TXNRD2: variants seen among roughly 807,000 people sequenced by gnomAD.
The protein encoded by TXNRD2 is thioredoxin reductase 2.
In TXNRD2, 67 loss-of-function variants were observed where a neutral mutation model predicts 70.8. The ratio of observed to expected loss-of-function variants is 0.95; its 90% confidence interval spans 0.78 to 1.16. The LOEUF is 1.16. Ranked by LOEUF, TXNRD2 falls within the 50% of genes most tolerant of loss-of-function variation. The pLI is 0.00. For synonymous variants in TXNRD2, 301 were observed against 295.8 expected, an observed-to-expected ratio of 1.02 and a Z score of -0.18; for missense variants, 644 against 719.9, an observed-to-expected ratio of 0.89 and a Z score of 1.21.
chr22:19,897,979 G>C, intron 10 of TXNRD2, 60 bp downstream of exon 10: 1 of 1,407,134 alleles, frequency 7.1e-7, no homozygotes, highest in Non-Finnish European at 9.7e-7. Flanking sequence ...TGCCTGGGAG[G>C]GGGCTGTGGG....
At chr22:19,938,646 T>C (rs1430558687) in intron 1 of TXNRD2, among the ~76,000 whole-genome samples, 1 of 152,214 alleles carries the variant, frequency 6.6e-6, no homozygotes, top group Non-Finnish European at 1.5e-5. Flanking sequence ...AAGGGAACAA[T>C]TCAGCCTTAT....
Position 19,926,320 on chromosome 22 carries a change from T to C in TXNRD2, c.172+4710A>G, listed in dbSNP as rs977993726. 2.0e-5 allele frequency among the ~76,000 whole-genome samples: 3 copies of C among 151,580 alleles called. No individual in the cohort carries two copies. The East Asian group carries it at 5.8e-4, about 29-fold the overall frequency. Reference sequence around the variant, plus strand: ...GCCTGGCCAACATGGTGAAACCCCATCTCTACTAAAAGTACAAAAATTAGT... The same window carrying C: ...GCCTGGCCAACATGGTGAAACCCCACCTCTACTAAAAGTACAAAAATTAGT... On this transcript the variant is annotated intron_variant, in intron 2 of 17. Transcript: ENST00000400521.
chr22:19,908,676 C>T (rs1940181245), intron 8 of TXNRD2, among the ~76,000 whole-genome samples: 2 of 152,094 alleles, frequency 1.3e-5, no homozygotes, highest in African/African-American at 2.4e-5. Flanking sequence ...ATTTGCACAC[C>T]TATGTTCACG....
chr22:19,934,155 G>T (rs940940486), intron 1 of TXNRD2, among the ~76,000 whole-genome samples: 1 of 152,162 alleles, frequency 6.6e-6, no homozygotes, highest in African/African-American at 2.4e-5. Flanking sequence ...CCTGGCAGCA[G>T]GTGTTGTCAT....
intron 8 of TXNRD2, among the ~76,000 whole-genome samples, chr22:19,902,737 C>T (rs1046459057): frequency 4.6e-5 from 7 of 152,198 alleles, no homozygotes; most frequent in Admixed American, 2.0e-4. Flanking sequence ...AGAGAGGTGG[C>T]GGGGGCTTTG....
At chr22:19,889,035 TG>T (rs1305751600) in intron 11 of TXNRD2, among the ~76,000 whole-genome samples, 1 of 152,076 alleles carries the variant, frequency 6.6e-6, no homozygotes, top group Non-Finnish European at 1.5e-5. Flanking sequence ...AGTGAGCCCC[TG>T]GGCCTCAATG....
intron 7 of TXNRD2, among the ~76,000 whole-genome samples, chr22:19,912,382 T>C (rs1940452984): frequency 6.6e-6 from 1 of 152,238 alleles, no homozygotes; most frequent in Admixed American, 6.5e-5. Context: ...GAAGCAGCCC[T>C]GAGCTGCCTG....
intron 8 of TXNRD2, among the ~76,000 whole-genome samples, chr22:19,909,052 A>G (rs1241445974): frequency 6.6e-6 from 1 of 151,896 alleles, no homozygotes; most frequent in African/African-American, 2.4e-5. Context: ...TAAAAACACA[A>G]AAAATTAGCG....
chr22:19,918,303 A>AC (rs1220711905), intron 4 of TXNRD2, 86 bp from the exon 5 acceptor site: 1 of 1,189,844 alleles, frequency 8.4e-7, no homozygotes, highest in African/African-American at 1.5e-5. Flanking sequence ...TTCAAATGGT[A>AC]CATTCATAGA....
intron 1 of TXNRD2, among the ~76,000 whole-genome samples, chr22:19,940,995 C>T (rs1269904279): frequency 1.3e-5 from 2 of 152,176 alleles, no homozygotes; most frequent in Non-Finnish European, 2.9e-5. Flanking sequence ...GTCCTTACAC[C>T]CCTCTACACT....
rs981175339 is a variant in TXNRD2, at chr22:19,941,747, C to A, written c.57G>T (p.Thr19=). The A allele has an allele frequency of 6.7e-7, 1 of 1,499,596 alleles. No individual in the cohort carries two copies. The highest frequency in any genetic ancestry group is 1.2e-5 in the South Asian group (1 of 80,046). 92.9% of individuals were successfully genotyped at this position (1,499,596 alleles called of 1,614,324 possible). Residue 19 remains threonine (T), a synonymous_variant, in exon 1 of 18, where the codon ACG becomes ACT. Transcript: ENST00000400521. ...CCCGCACCCCGCCCGCCACGGCCTG[C>A]GTCCGCCACCGGAAGCGCCCTCCTA... ...RGLGGRFRWR[T]QAVAGGVRGA...
At chr22:19,880,750 C>T in intron 12 of TXNRD2, 33 bp from the exon 13 acceptor site, 1 of 1,536,936 alleles carries the variant, frequency 6.5e-7, no homozygotes, top group Non-Finnish European at 9.0e-7. Flanking sequence ...CACGTCAGCA[C>T]CATGTCCGGG....
chr22:19,907,580 T>G (rs1601431194), intron 8 of TXNRD2, among the ~76,000 whole-genome samples: 1 of 32,730 alleles, frequency 3.1e-5, no homozygotes, highest in Non-Finnish European at 5.5e-5. Context: ...GCGCCGTGGG[T>G]AGCAGTGACC....
At chr22:19,876,834 G>T in intron 17 of TXNRD2, 1 of 367,690 alleles carries the variant, frequency 2.7e-6, no homozygotes, top group Non-Finnish European at 5.0e-6. Context: ...CCAGGCCGGG[G>T]TCTGGGGTCC....
chr22:19,892,011 G>T lies in TXNRD2; in HGVS notation c.949+3396C>A, dbSNP rs547367739. On this transcript the variant is annotated intron_variant, in intron 11 of 17. Transcript: ENST00000400521. The stretch of plus-strand genomic sequence containing the variant: ...GCAGGGCCAGCACTCGGCCCCACAC[G>T]GGAGCTCTGTGCAGCACCTGGGCCC... 3.9e-4 allele frequency among the ~76,000 whole-genome samples: 59 copies of T among 152,338 alleles called. No individual in the cohort carries two copies. The South Asian group carries it at 0.012, about 31-fold the overall frequency.
intron 11 of TXNRD2, among the ~76,000 whole-genome samples, chr22:19,887,063 T>C (rs1160042260): frequency 6.6e-6 from 1 of 152,230 alleles, no homozygotes; most frequent in Non-Finnish European, 1.5e-5. Context: ...CTTTGATGAC[T>C]AGTAAGATGA....
intron 2 of TXNRD2, among the ~76,000 whole-genome samples, chr22:19,922,226 A>G (rs147242488): frequency 6.6e-6 from 1 of 152,204 alleles, no homozygotes. Context: ...AGCAGAAAAG[A>G]TCAATAAAAC....
At chr22:19,913,127 A>G (rs1601444140) in intron 7 of TXNRD2, among the ~76,000 whole-genome samples, 1 of 145,436 alleles carries the variant, frequency 6.9e-6, no homozygotes, top group African/African-American at 2.6e-5. Flanking sequence ...CCAACCCCTC[A>G]CCCCGGGGCC....
Position 19,918,732 on chromosome 22 carries a change from C to T in TXNRD2, c.374+128G>A, listed in dbSNP as rs1309814666. 6.1e-6 allele frequency: 7 copies of T among 1,144,584 alleles called. No homozygotes were observed. In the East Asian group the frequency reaches 9.4e-5, roughly 15 times the overall value. 70.9% of individuals were successfully genotyped at this position (1,144,584 alleles called of 1,614,324 possible). A position where few individuals can be genotyped will look rare whatever the true frequency, so the allele number is the denominator to read the frequency against. On this transcript the variant is annotated intron_variant, in intron 4 of 17. Transcript: ENST00000400521. Reference sequence around the variant, plus strand: ...ATGTCTGAGGCAGACAGCGCAGAGTCGCCCCTGGCTGAGAAACCCATCCTA... The same window carrying T: ...ATGTCTGAGGCAGACAGCGCAGAGTTGCCCCTGGCTGAGAAACCCATCCTA...
Sources: gnomAD v4.1 joint callset for allele counts (sites outside exome capture counted in the v4.1 genomes callset) on GRCh38, gnomAD v4.1.1 for gene constraint, MANE v1.5 for transcripts, NCBI Gene and HGNC (gene_info 2026-07-23, HGNC 2026-07-21) for gene names.